Variants in ZNF385B observed in about 807,000 individuals in gnomAD.
ZNF385B encodes zinc finger protein 533.
ZNF385B carries 23 observed loss-of-function variants against 39.2 expected under a neutral mutation model. The observed-to-expected ratio is 0.59, with a 90% CI of 0.42 to 0.83. The LOEUF (loss-of-function observed/expected upper bound fraction) is 0.83. Among genes scored for constraint, ZNF385B ranks in the 40% least tolerant of loss-of-function variants. ZNF385B has a pLI of 0.00. For synonymous variants in ZNF385B, 205 were observed against 222.6 expected, an observed-to-expected ratio of 0.92 and a Z score of 0.70; for missense variants, 552 against 598.9, an observed-to-expected ratio of 0.92 and a Z score of 0.82.
intron 5 of ZNF385B, among the ~76,000 whole-genome samples, chr2:179,506,090 C>T (rs1488136181): frequency 6.6e-6 from 1 of 152,070 alleles, no homozygotes; most frequent in East Asian, 1.9e-4. Flanking sequence ...ACAGTGACTC[C>T]TCTACATCCA....
At chr2:179,852,278 A>C (rs978152861) in intron 1 of ZNF385B, among the ~76,000 whole-genome samples, 1 of 152,212 alleles carries the variant, frequency 6.6e-6, no homozygotes, top group Non-Finnish European at 1.5e-5. Flanking sequence ...AGAAGGAAAA[A>C]GCAGCCTGCA....
intron 2 of ZNF385B, 43 bp downstream of exon 2, chr2:179,770,478 G>A (rs1703953383): frequency 6.6e-6 from 1 of 152,188 alleles, no homozygotes. Flanking sequence ...CTTAACTGCA[G>A]GGCAGGTAAC....
chr2:179,714,951 A>AAAAAAAAAAAAAAAAAAAAAC (rs1475019296), intron 3 of ZNF385B, among the ~76,000 whole-genome samples: 2 of 150,418 alleles, frequency 1.3e-5, no homozygotes, highest in East Asian at 3.9e-4. Context: ...TCAAAAAAAA[A>AAAAAAAAAAAAAAAAAAAAAC]AAAAAAAAAA....
chr2:179,486,610 T>A (rs11686495), intron 5 of ZNF385B, among the ~76,000 whole-genome samples: 2,685 of 152,340 alleles, frequency 0.018, 42 homozygotes, highest in South Asian at 0.043. Context: ...GGTCTGATCC[T>A]TCTGTTGAGT....
intron 9 of ZNF385B, among the ~76,000 whole-genome samples, chr2:179,444,433 C>A (rs1395891138): frequency 6.6e-6 from 1 of 152,254 alleles, no homozygotes; most frequent in East Asian, 1.9e-4. Context: ...ATGGAGAGAG[C>A]ACACGATACA....
intron 3 of ZNF385B, among the ~76,000 whole-genome samples, chr2:179,732,180 A>G (rs906917493): frequency 2.6e-5 from 4 of 152,228 alleles, no homozygotes; most frequent in African/African-American, 7.2e-5. Context: ...GAGGCAAAGA[A>G]AGATGGAAAT....
intron 3 of ZNF385B, among the ~76,000 whole-genome samples, chr2:179,767,956 A>T (rs550071554): frequency 9.4e-5 from 14 of 148,726 alleles, no homozygotes; most frequent in African/African-American, 3.4e-4. Context: ...TTATATATAT[A>T]TTTTGCTTTT....
At chr2:179,694,956 AGAG>A (rs71994313) in intron 3 of ZNF385B, among the ~76,000 whole-genome samples, 69,509 of 148,484 alleles carry the variant, frequency 0.47, 17,044 homozygotes, top group East Asian at 0.72. Context: ...AAAAGAAAGA[AGAG>A]GAGGAGGAGG....
intron 3 of ZNF385B, among the ~76,000 whole-genome samples, chr2:179,723,190 A>G (rs1700799111): frequency 6.6e-6 from 1 of 152,184 alleles, no homozygotes; most frequent in African/African-American, 2.4e-5. Context: ...ACTATTTACA[A>G]TGCATCTGGC....
At chr2:179,480,086 A>G (rs918499961) in intron 6 of ZNF385B, among the ~76,000 whole-genome samples, 27 of 152,230 alleles carry the variant, frequency 1.8e-4, no homozygotes, top group African/African-American at 5.1e-4. Context: ...GAGTGCCTGC[A>G]TAGTTGAAAT....
At chr2:179,717,059 G>T (rs1700374071) in intron 3 of ZNF385B, among the ~76,000 whole-genome samples, 1 of 152,058 alleles carries the variant, frequency 6.6e-6, no homozygotes, top group African/African-American at 2.4e-5. Flanking sequence ...AAGCTACCAA[G>T]TTTTGCGGTA....
intron 1 of ZNF385B, among the ~76,000 whole-genome samples, chr2:179,820,637 G>A (rs976957697): frequency 2.6e-5 from 4 of 151,968 alleles, no homozygotes; most frequent in African/African-American, 9.7e-5. Flanking sequence ...CTCATAGGGT[G>A]ATGAATTTTT....
intron 1 of ZNF385B, among the ~76,000 whole-genome samples, chr2:179,810,928 G>T (rs906279208): frequency 2.6e-5 from 4 of 151,966 alleles, no homozygotes; most frequent in African/African-American, 7.2e-5. Context: ...CCATCAAAAG[G>T]TTCCCAGAAC....
At chr2:179,610,211 CATTTTG>C (rs1347543806) in intron 3 of ZNF385B, among the ~76,000 whole-genome samples, 2 of 152,012 alleles carry the variant, frequency 1.3e-5, no homozygotes, top group African/African-American at 2.4e-5. Flanking sequence ...GTCTTTAATT[CATTTTG>C]ATTTTATTTT....
intron 5 of ZNF385B, among the ~76,000 whole-genome samples, chr2:179,502,638 G>T (rs2056868719): frequency 6.6e-6 from 1 of 152,100 alleles, no homozygotes; most frequent in Non-Finnish European, 1.5e-5. Context: ...TGTACAGCCT[G>T]CAGAACCATT....
chr2:179,487,345 C>G (rs1241245307), intron 5 of ZNF385B, among the ~76,000 whole-genome samples: 1 of 152,244 alleles, frequency 6.6e-6, no homozygotes, highest in East Asian at 1.9e-4. Context: ...GAAATAAAGA[C>G]AGAATGGCAA....
At chr2:179,760,848 C>A (rs955888016) in intron 3 of ZNF385B, among the ~76,000 whole-genome samples, 2 of 152,060 alleles carry the variant, frequency 1.3e-5, no homozygotes, top group Non-Finnish European at 2.9e-5. Context: ...AGGGCAGCCA[C>A]CAGAAGTTTT....
At chr2:179,491,983 C>T (rs2055284663) in intron 5 of ZNF385B, among the ~76,000 whole-genome samples, 1 of 152,170 alleles carries the variant, frequency 6.6e-6, no homozygotes, top group Non-Finnish European at 1.5e-5. Context: ...TTCAGGTGTG[C>T]AACACCATGC....
At chr2:179,538,605 A>C (rs2059729638) in intron 4 of ZNF385B, among the ~76,000 whole-genome samples, 1 of 152,222 alleles carries the variant, frequency 6.6e-6, no homozygotes, top group Non-Finnish European at 1.5e-5. Flanking sequence ...TAATCATATA[A>C]ATCATTTCAT....
Sources: allele counts gnomAD v4.1 joint callset (sites outside exome capture counted in the v4.1 genomes callset), GRCh38; gene constraint gnomAD v4.1.1; transcripts MANE v1.5; gene names NCBI Gene and HGNC (gene_info 2026-07-23, HGNC 2026-07-21).